CTSC: variants seen among roughly 807,000 people sequenced by gnomAD.
The protein encoded by CTSC is dipeptidyl peptidase 1.
A neutral mutation model predicts 40.9 loss-of-function variants in CTSC; 37 were observed. The observed-to-expected ratio is 0.91, with a 90% confidence interval of 0.70 to 1.19. CTSC has a LOEUF of 1.19. CTSC is among the 50% of genes most tolerant of loss of function. The pLI, the probability that CTSC is intolerant of heterozygous loss-of-function variation, is 0.00. For missense variants in CTSC, 594 were observed against 567.3 expected (o/e 1.05, Z -0.48); for synonymous variants, 232 against 207.4 (o/e 1.12, Z -1.02).
intron 4 of CTSC, among the ~76,000 whole-genome samples, chr11:88,302,058 T>C (rs1025316642): frequency 6.6e-6 from 1 of 151,912 alleles, no homozygotes. Context: ...ACTCACTTCC[T>C]CTCTCTCTCT....
At chr11:88,310,585 A>C (rs1937732154) in intron 3 of CTSC, among the ~76,000 whole-genome samples, 1 of 152,198 alleles carries the variant, frequency 6.6e-6, no homozygotes, top group African/African-American at 2.4e-5. Flanking sequence ...TATGGTCTAA[A>C]AACCTAAGAG....
intron 2 of CTSC, among the ~76,000 whole-genome samples, chr11:88,318,419 ACATTAAACAAGTGAC>A (rs1565258444): frequency 6.6e-6 from 1 of 152,214 alleles, no homozygotes; most frequent in Non-Finnish European, 1.5e-5. Flanking sequence ...AAGTTATACA[ACATTAAACAAGTGAC>A]TATACTAACA....
intron 4 of CTSC, among the ~76,000 whole-genome samples, chr11:88,305,388 CTG>C (rs1029317750): frequency 1.2e-4 from 19 of 152,278 alleles, no homozygotes; most frequent in African/African-American, 4.6e-4. Flanking sequence ...TCCAGTAACA[CTG>C]TGAAAATGAA....
At chr11:88,309,824 A>G (rs1034754356) in intron 3 of CTSC, among the ~76,000 whole-genome samples, 177 of 150,038 alleles carry the variant, frequency 1.2e-3, no homozygotes, top group African/African-American at 4.3e-3. Flanking sequence ...GCACACACAC[A>G]CACACACACA....
At chr11:88,335,682 C>T (rs1938474438) in intron 1 of CTSC, among the ~76,000 whole-genome samples, 1 of 152,026 alleles carries the variant, frequency 6.6e-6, no homozygotes, top group South Asian at 2.1e-4. Context: ...TTCCACTGAA[C>T]AAAAGGAGAA....
chr11:88,319,051 G>T (rs1937940010), intron 2 of CTSC, among the ~76,000 whole-genome samples: 1 of 152,164 alleles, frequency 6.6e-6, no homozygotes, highest in African/African-American at 2.4e-5. Flanking sequence ...GTCCCTATAA[G>T]ATAGTTAAGG....
At chr11:88,328,221 C>CTCTT in intron 2 of CTSC, 1 of 1,525,942 alleles carries the variant, frequency 6.6e-7, no homozygotes, top group Non-Finnish European at 9.1e-7. Flanking sequence ...CAATGGTAAA[C>CTCTT]TGAGTCATTA....
chr11:88,300,182 A>C (rs1044122918), intron 5 of CTSC, among the ~76,000 whole-genome samples: 4 of 152,218 alleles, frequency 2.6e-5, no homozygotes, highest in Non-Finnish European at 5.9e-5. Flanking sequence ...AGATTCCAAC[A>C]AACCACTTGC....
chr11:88,295,235 A>T (rs1201753318), intron 6 of CTSC, among the ~76,000 whole-genome samples: 1 of 152,210 alleles, frequency 6.6e-6, no homozygotes, highest in Non-Finnish European at 1.5e-5. Context: ...ACTCATCAGC[A>T]GTTTCACTAG....
intron 4 of CTSC, among the ~76,000 whole-genome samples, chr11:88,301,921 T>C (rs965780812): frequency 3.9e-5 from 6 of 152,090 alleles, no homozygotes; most frequent in Non-Finnish European, 7.4e-5. Context: ...TATATCTTTA[T>C]GCTGCTGCTC....
intron 4 of CTSC, among the ~76,000 whole-genome samples, chr11:88,303,561 G>A (rs1345693704): frequency 3.3e-5 from 5 of 152,160 alleles, no homozygotes; most frequent in Non-Finnish European, 7.3e-5. Flanking sequence ...CAAGGTATGG[G>A]GGAAGGGGCA....
At chr11:88,326,081 C>T (rs927135454) in intron 2 of CTSC, 5 of 1,179,268 alleles carry the variant, frequency 4.2e-6, no homozygotes, top group South Asian at 3.7e-5. Context: ...AGAAAAAGAA[C>T]AACGTGTTGT....
At chr11:88,301,138 G>T (rs1332766648) in intron 4 of CTSC, among the ~76,000 whole-genome samples, 1 of 152,114 alleles carries the variant, frequency 6.6e-6, no homozygotes, top group Non-Finnish European at 1.5e-5. Flanking sequence ...GGTTCTGGAG[G>T]CAGGGAACAT....
At chr11:88,325,815 T>TC in intron 2 of CTSC, 1 of 985,866 alleles carries the variant, frequency 1.0e-6, no homozygotes, top group Non-Finnish European at 1.2e-6. Context: ...GCCTCTTTTT[T>TC]CCCTTCTTTA....
At chr11:88,322,845 G>A (rs1172956573) in intron 2 of CTSC, 2 of 152,196 alleles carry the variant, frequency 1.3e-5, no homozygotes, top group Non-Finnish European at 2.9e-5. Flanking sequence ...GAGGTACAAA[G>A]AGGAGCTGAT....
In CTSC at chr11:88,328,889, G is replaced by C. The variant is rs188088059; in HGVS notation, c.318+6048C>G. Among the ~76,000 whole-genome samples the C allele has an allele frequency of 2.6e-5, 4 of 152,230 alleles. No homozygotes were observed. The East Asian group carries it at 5.8e-4, about 22-fold the overall frequency. On this transcript the variant is annotated intron_variant, in intron 2 of 6. Coordinates refer to ENST00000227266, the MANE Select transcript of CTSC (RefSeq NM_001814.6). ...TCCACCAGCCCCAGCCTCCCAAAGT[G>C]TTCTTGTTTTGAGTAGCAACTTGCT...
At chr11:88,336,942 A>T (rs72966841) in intron 1 of CTSC, among the ~76,000 whole-genome samples, 9,844 of 152,144 alleles carry the variant, frequency 0.065, 416 homozygotes, top group Non-Finnish European at 0.096. Flanking sequence ...TTAATTTTTT[A>T]AAAAATTTTT....
At chr11:88,314,113 T>C (rs926810878) in intron 2 of CTSC, among the ~76,000 whole-genome samples, 24 of 152,248 alleles carry the variant, frequency 1.6e-4, no homozygotes, top group African/African-American at 5.3e-4. Context: ...TTCACTTGTT[T>C]GCAGAGGTTG....
chr11:88,308,480 AT>A (rs1937683996), intron 4 of CTSC, among the ~76,000 whole-genome samples: 1 of 151,332 alleles, frequency 6.6e-6, no homozygotes, highest in Admixed American at 6.6e-5. Context: ...TTATTATTTT[AT>A]TTTATTTTAT....
Sources: gnomAD v4.1 joint callset for allele counts (sites outside exome capture counted in the v4.1 genomes callset) on GRCh38, gnomAD v4.1.1 for gene constraint, MANE v1.5 for transcripts, NCBI Gene and HGNC (gene_info 2026-07-23, HGNC 2026-07-21) for gene names.